ZNF644: variants seen among roughly 807,000 people sequenced by gnomAD.
The protein encoded by ZNF644 is zinc finger protein 644.
A neutral mutation model predicts 108.0 loss-of-function variants in ZNF644; 20 were observed. That is an observed-to-expected ratio of 0.19 (90% CI 0.13 to 0.27). The LOEUF (loss-of-function observed/expected upper bound fraction) is 0.27. Ranked by LOEUF, ZNF644 falls within the 10% of genes least tolerant of loss-of-function variation. ZNF644 has a pLI of 1.00. For synonymous variants in ZNF644, 542 were observed against 539.1 expected (o/e 1.01, Z -0.08); for missense variants, 1,338 against 1,548.9 (o/e 0.86, Z 2.29).
rs1322384369 is a variant in ZNF644 at position 90,916,106 on chromosome 1, G to A, written c.*692C>T. ...GCATGGATGCACCACTTTATTGTCT[G>A]AGAAATGCAACTGGAGTAAAGAATA... On this transcript the variant is annotated 3_prime_UTR_variant, in exon 6 of 6. Coordinates refer to ENST00000337393, the MANE Select transcript of ZNF644 (RefSeq NM_201269.3). 6.6e-6 allele frequency: 1 copy of A among 152,558 alleles called. No individual in the cohort carries two copies. The highest frequency in any genetic ancestry group is 1.5e-5 in the Non-Finnish European group (1 of 67,988). 9.5% of individuals were successfully genotyped at this position (152,558 alleles called of 1,614,324 possible). A position where few individuals can be genotyped will look rare whatever the true frequency, so the allele number is the denominator to read the frequency against.
At chr1:90,973,228 AAAATGGGTGAGAGTATAATACAT>A (rs1360354323) in intron 2 of ZNF644, 2 of 152,148 alleles carry the variant, frequency 1.3e-5, no homozygotes, top group Non-Finnish European at 2.9e-5. Flanking sequence ...GAGGGAGGAA[AAAATGGGTGAGAGTATAATACAT>A]AAATGGGTGA....
At chr1:90,999,799 C>T (rs1192577345) in intron 1 of ZNF644, among the ~76,000 whole-genome samples, 6 of 152,130 alleles carry the variant, frequency 3.9e-5, no homozygotes, top group African/African-American at 9.7e-5. Context: ...ACCCATCTCA[C>T]GTGCACAGAC....
At chr1:90,999,723 A>T (rs1277253073) in intron 1 of ZNF644, among the ~76,000 whole-genome samples, 2 of 152,248 alleles carry the variant, frequency 1.3e-5, no homozygotes, top group African/African-American at 4.8e-5. Flanking sequence ...AAATGCTCCA[A>T]TTAAAAGACA....
At chr1:90,976,987 GCT>G (rs943230235) in intron 2 of ZNF644, among the ~76,000 whole-genome samples, 1 of 151,700 alleles carries the variant, frequency 6.6e-6, no homozygotes, top group Admixed American at 6.6e-5. Context: ...GATTTTCTCA[GCT>G]CTTTTTTTCT....
At chr1:90,920,349 T>G (rs901925120) in intron 4 of ZNF644, among the ~76,000 whole-genome samples, 1 of 151,990 alleles carries the variant, frequency 6.6e-6, no homozygotes, top group African/African-American at 2.4e-5. Flanking sequence ...CCCTTAAAAA[T>G]TTGTTCACAG....
chr1:90,958,232 TAAAAAAAAA>T lies in ZNF644; in HGVS notation c.45-16932_45-16924del, dbSNP rs777224217. Among the ~76,000 whole-genome samples the T allele has an allele frequency of 2.7e-4, 11 of 41,388 alleles. No homozygotes were observed. The East Asian group carries it at 3.1e-3, about 12-fold the overall frequency. 27.2% of individuals were successfully genotyped at this position (41,388 alleles called of 152,430 possible). ...ACCTGGGCGACAAAAGCAAAACTCC[TAAAAAAAAA>T]AAAAAAAAAAAAAAAAGAATAAATG... On this transcript the variant is annotated intron_variant, in intron 2 of 5. Transcript: ENST00000337393.
intron 1 of ZNF644, among the ~76,000 whole-genome samples, chr1:91,001,982 G>C (rs563150288): frequency 9.4e-4 from 143 of 152,216 alleles, no homozygotes; most frequent in Admixed American, 4.1e-3. Flanking sequence ...GGATCTGAAG[G>C]ACCTCCTCAA....
chr1:90,998,567 A>G (rs1658418377), intron 1 of ZNF644, among the ~76,000 whole-genome samples: 1 of 152,204 alleles, frequency 6.6e-6, no homozygotes, highest in African/African-American at 2.4e-5. Context: ...ATCATCAAGG[A>G]CCAAAGGTAG....
chr1:90,974,016 C>A (rs1655756830), intron 2 of ZNF644, among the ~76,000 whole-genome samples: 1 of 152,096 alleles, frequency 6.6e-6, no homozygotes, highest in Admixed American at 6.6e-5. Context: ...TCCCTTCTCT[C>A]CTAAAACTTT....
intron 1 of ZNF644, among the ~76,000 whole-genome samples, chr1:90,990,381 TG>T (rs1327288065): frequency 6.6e-6 from 1 of 152,186 alleles, no homozygotes; most frequent in Admixed American, 6.5e-5. Flanking sequence ...TAACAGGAAT[TG>T]GGTTTGCCTT....
chr1:90,954,835 T>C (rs1421128480), intron 2 of ZNF644, among the ~76,000 whole-genome samples: 1 of 152,240 alleles, frequency 6.6e-6, no homozygotes, highest in African/African-American at 2.4e-5. Context: ...CAAACTCATA[T>C]TAATGTTGAT....
chr1:90,971,998 T>C (rs1282027730), intron 2 of ZNF644, among the ~76,000 whole-genome samples: 2 of 152,296 alleles, frequency 1.3e-5, no homozygotes, highest in Non-Finnish European at 2.9e-5. Context: ...TAAGCAGCTG[T>C]AGTCCCAGCT....
chr1:91,000,703 T>C (rs924196493), intron 1 of ZNF644, among the ~76,000 whole-genome samples: 2 of 151,878 alleles, frequency 1.3e-5, no homozygotes, highest in Admixed American at 6.6e-5. Context: ...CTGAAGGAGA[T>C]AGAGACACAA....
At position 90,938,238 on chromosome 1, in the gene ZNF644, C is replaced by T. The variant is rs367607834; in HGVS notation, c.3082+34G>A. The T allele has an allele frequency of 1.2e-6, 2 of 1,613,684 alleles. No homozygotes were observed. Among genetic ancestry groups the T allele is most frequent in the Non-Finnish European group, 1.7e-6 (2 of 1,179,792 alleles). On this transcript the variant is annotated intron_variant, in intron 3 of 5. Transcript: ENST00000337393. This position sits in a 1 kb window ranked among gnomAD's most constrained non-coding sequence, Gnocchi z 4.2. The stretch of plus-strand genomic sequence containing the variant: ...AAATCTTCAGAATTAGAACACAGAC[C>T]TATCAGCCCAAATCATCCCCATGGA...
In ZNF644 at chr1:90,940,130, T is replaced by A. The variant is rs557681768; in HGVS notation, c.1224A>T (p.Ser408=). Residue 408 remains serine (S), a synonymous_variant, in exon 3 of 6, where the codon TCA becomes TCT. Coordinates refer to ENST00000337393, the MANE Select transcript of ZNF644 (RefSeq NM_201269.3). ...CATTGCACTTTGTACAGGGGTAGAA[T>A]GATGGCTCTTCGGTACTGAAAGTAG... The part of the protein sequence containing the change: ...SPATFSTEEP[S]FYPCTKCNVN... The A allele has an allele frequency of 6.2e-7, 1 of 1,614,118 alleles. No homozygotes were observed. Among genetic ancestry groups the A allele is most frequent in the Admixed American group, 1.7e-5 (1 of 60,010 alleles).
At chr1:90,952,028 T>A (rs934133900) in intron 2 of ZNF644, among the ~76,000 whole-genome samples, 1 of 152,162 alleles carries the variant, frequency 6.6e-6, no homozygotes, top group African/African-American at 2.4e-5. Context: ...AAGAGTTCAG[T>A]ATCTGTCTCT....
At chr1:91,018,949 G>A (rs1440844832) in intron 1 of ZNF644, among the ~76,000 whole-genome samples, 1 of 152,114 alleles carries the variant, frequency 6.6e-6, no homozygotes, top group African/African-American at 2.4e-5. Context: ...ACCTGAAAGT[G>A]ACTCTAATTT....
intron 2 of ZNF644, among the ~76,000 whole-genome samples, chr1:90,953,961 G>T (rs901192075): frequency 1.3e-5 from 2 of 152,014 alleles, no homozygotes; most frequent in African/African-American, 4.8e-5. Flanking sequence ...ATACTTTATT[G>T]CTTTAAAAAA....
At chr1:90,956,870 T>C (rs1478697870) in intron 2 of ZNF644, among the ~76,000 whole-genome samples, 1 of 151,884 alleles carries the variant, frequency 6.6e-6, no homozygotes, top group Non-Finnish European at 1.5e-5. Context: ...AAAAATTAAG[T>C]TGGTTCCTTA....
Sources: gnomAD v4.1 joint callset for allele counts (sites outside exome capture counted in the v4.1 genomes callset) on GRCh38, gnomAD v4.1.1 for gene constraint, Gnocchi (gnomAD v3.1) non-coding constraint, MANE v1.5 for transcripts, NCBI Gene and HGNC (gene_info 2026-07-23, HGNC 2026-07-21) for gene names.